Variants in ZEB1 observed in about 807,000 individuals in gnomAD.
The protein encoded by ZEB1 is zinc finger E-box binding homeobox 1.
Under a neutral mutation model 84.9 loss-of-function variants are expected in ZEB1, and 21 were observed. The observed-to-expected ratio is 0.25, with a 90% CI of 0.18 to 0.36. The LOEUF (loss-of-function observed/expected upper bound fraction) is 0.36. Ranked by LOEUF, ZEB1 falls within the 10% of genes least tolerant of loss-of-function variation. ZEB1 has a pLI of 1.00. For missense variants in ZEB1, 1,104 were observed against 1,330.2 expected, an observed-to-expected ratio of 0.83 and a Z score of 2.65; for synonymous variants, 420 against 471.1, an observed-to-expected ratio of 0.89 and a Z score of 1.41.
At chr10:31,421,264 T>C (rs1475348013) in intron 1 of ZEB1, among the ~76,000 whole-genome samples, 1 of 152,062 alleles carries the variant, frequency 6.6e-6, no homozygotes, top group Non-Finnish European at 1.5e-5. Context: ...AGTATTGTCC[T>C]TTTATGCCAG....
chr10:31,358,617 T>C (rs1168840707), intron 1 of ZEB1: 1 of 152,182 alleles, frequency 6.6e-6, no homozygotes, highest in African/African-American at 2.4e-5. Flanking sequence ...CTGTAGTAAA[T>C]AGTGTCATCT....
intron 2 of ZEB1, among the ~76,000 whole-genome samples, chr10:31,476,454 G>C (rs1018649003): frequency 1.3e-5 from 2 of 151,356 alleles, no homozygotes; most frequent in Non-Finnish European, 2.9e-5. Flanking sequence ...TAAGGAAATT[G>C]AATCAATAGT....
intron 1 of ZEB1, among the ~76,000 whole-genome samples, chr10:31,382,549 A>T (rs1408245914): frequency 1.3e-5 from 2 of 152,152 alleles, no homozygotes; most frequent in African/African-American, 4.8e-5. Flanking sequence ...GGATAGTACT[A>T]TTCAGTGATA....
intron 1 of ZEB1, among the ~76,000 whole-genome samples, chr10:31,403,407 A>C (rs1249382373): frequency 6.6e-6 from 1 of 151,968 alleles, no homozygotes; most frequent in Non-Finnish European, 1.5e-5. Context: ...CTCCTCTTGT[A>C]ATCAGAATCT....
intron 1 of ZEB1, among the ~76,000 whole-genome samples, chr10:31,337,141 A>C (rs565447774): frequency 6.6e-6 from 1 of 152,350 alleles, no homozygotes; most frequent in African/African-American, 2.4e-5. Flanking sequence ...GTGCTTAACA[A>C]CTTGGATCAT....
chr10:31,478,043 A>G (rs1167224913), intron 2 of ZEB1, among the ~76,000 whole-genome samples: 1 of 152,088 alleles, frequency 6.6e-6, no homozygotes, highest in Non-Finnish European at 1.5e-5. Flanking sequence ...GCCTGTTCAC[A>G]GCAAAAGAAA....
chr10:31,363,699 G>A, intron 1 of ZEB1: 2 of 1,230,704 alleles, frequency 1.6e-6, no homozygotes. Context: ...CGGGGCTGAG[G>A]TGTCCAAACA....
intron 1 of ZEB1, among the ~76,000 whole-genome samples, chr10:31,447,285 T>G (rs1408974217): frequency 2.0e-5 from 3 of 148,098 alleles, no homozygotes; most frequent in East Asian, 2.0e-4. Context: ...TCCTCCATCC[T>G]TTTATTTTGA....
Position 31,520,704 on chromosome 10 carries a change from A to G in ZEB1, c.1372A>G (p.Ile458Val). 1.2e-6 allele frequency: 2 copies of G among 1,614,090 alleles called. No individual in the cohort carries two copies. The highest frequency in any genetic ancestry group is 1.7e-6 in the Non-Finnish European group (2 of 1,179,990). Residue 458 changes from isoleucine to valine, a missense_variant, in exon 7 of 9, where the codon ATT becomes GTT. Ile to Val is a conservative substitution (Grantham distance 29). Coordinates refer to ENST00000424869, the MANE Select transcript of ZEB1 (RefSeq NM_001174096.2). The surrounding 1 kb of genome is among the most constrained non-coding windows in gnomAD (Gnocchi z 5.1). ...CATACAACAAGGTGGCCATTCTGTT[A>G]TTTCAGCCATCAGTCTTCCTTTGGT... is the stretch of plus-strand genomic sequence containing the variant. ...SPIQQGGHSV[I>V]SAISLPLVDQ...
intron 1 of ZEB1, among the ~76,000 whole-genome samples, chr10:31,348,018 A>G (rs1380800058): frequency 1.3e-5 from 2 of 152,228 alleles, no homozygotes; most frequent in African/African-American, 4.8e-5. Context: ...CTAGTTGTAG[A>G]TATCTGGGTT....
chr10:31,464,504 A>G (rs1436131767), intron 2 of ZEB1, among the ~76,000 whole-genome samples: 1 of 152,244 alleles, frequency 6.6e-6, no homozygotes, highest in African/African-American at 2.4e-5. Flanking sequence ...GAAAAACACC[A>G]TACTACAGAT....
At chr10:31,384,819 C>T (rs906484212) in intron 1 of ZEB1, among the ~76,000 whole-genome samples, 31 of 152,236 alleles carry the variant, frequency 2.0e-4, no homozygotes, top group African/African-American at 6.7e-4. Flanking sequence ...TTTCCCTTTT[C>T]GCCCTTGTTG....
intron 1 of ZEB1, among the ~76,000 whole-genome samples, chr10:31,342,703 C>G (rs979089117): frequency 6.6e-6 from 1 of 152,054 alleles, no homozygotes; most frequent in Non-Finnish European, 1.5e-5. Context: ...TATTTCAATT[C>G]TAGCTTTTTA....
chr10:31,498,154 A>G (rs1407761001), intron 3 of ZEB1, among the ~76,000 whole-genome samples: 1 of 152,106 alleles, frequency 6.6e-6, no homozygotes, highest in African/African-American at 2.4e-5. Flanking sequence ...TATCATCTAA[A>G]GACCAGGACA....
chr10:31,411,302 T>C (rs369345182), intron 1 of ZEB1, among the ~76,000 whole-genome samples: 4 of 152,044 alleles, frequency 2.6e-5, no homozygotes, highest in African/African-American at 7.2e-5. Flanking sequence ...AAAAATAAGT[T>C]CTTTGATAAC....
chr10:31,455,827 A>G (rs1206104287), intron 1 of ZEB1, among the ~76,000 whole-genome samples: 4 of 152,220 alleles, frequency 2.6e-5, no homozygotes. Flanking sequence ...AATTAGTTCA[A>G]CCATTGTGGA....
At chr10:31,418,508 T>G (rs2055602447) in intron 1 of ZEB1, among the ~76,000 whole-genome samples, 1 of 152,114 alleles carries the variant, frequency 6.6e-6, no homozygotes, top group African/African-American at 2.4e-5. Flanking sequence ...TCTTAAGAAT[T>G]TTAAAATTTT....
intron 2 of ZEB1, among the ~76,000 whole-genome samples, chr10:31,489,173 T>G (rs161284): frequency 0.078 from 11,813 of 151,368 alleles, 652 homozygotes; most frequent in African/African-American, 0.16. Flanking sequence ...ATTTAAGATC[T>G]CTCTGTTTTC....
At position 31,322,744 on chromosome 10, in the gene ZEB1, G is replaced by C. The variant is rs112393892; in HGVS notation, c.58+3452G>C. ...CTTTCTTCTATGTGGTTTTCTTCTTGTTCTACCTTTTTTTTTTTTGAGAGA... is the reference window on the plus strand; with the variant it reads ...CTTTCTTCTATGTGGTTTTCTTCTTCTTCTACCTTTTTTTTTTTTGAGAGA... On this transcript the variant is annotated intron_variant, in intron 1 of 8. Transcript: ENST00000424869. Among the ~76,000 whole-genome samples, 145 of 138,124 alleles carry C rather than the reference G, an allele frequency of 1.0e-3. 3 individuals are homozygous for C. Among genetic ancestry groups the C allele is most frequent in the African/African-American group, 4.4e-3 (134 of 30,798 alleles). The allele number at this position is 138,124 out of a possible 152,430, so 90.6% of individuals were successfully genotyped here. A position where few individuals can be genotyped will look rare whatever the true frequency, so the allele number is the denominator to read the frequency against.
Sources: allele counts gnomAD v4.1 joint callset (sites outside exome capture counted in the v4.1 genomes callset), GRCh38; gene constraint gnomAD v4.1.1; non-coding constraint Gnocchi (gnomAD v3.1); transcripts MANE v1.5; gene names NCBI Gene and HGNC (gene_info 2026-07-23, HGNC 2026-07-21).